ODAD2: variants seen among roughly 807,000 people sequenced by gnomAD.
ODAD2 encodes outer dynein arm-docking complex subunit 2.
In ODAD2, 89 loss-of-function variants were observed where a neutral mutation model predicts 106.8. That is an observed-to-expected ratio of 0.83 (90% confidence interval 0.70 to 0.99). The LOEUF is 0.99. ODAD2 is among the 50% of genes least tolerant of loss of function. The probability of loss-of-function intolerance (pLI) is 0.00; values close to 1 mark genes in which losing one functional copy is unlikely to be tolerated. For missense variants in ODAD2, 1,168 were observed against 1,238.5 expected, an observed-to-expected ratio of 0.94 and a Z score of 0.85; for synonymous variants, 404 against 436.2, an observed-to-expected ratio of 0.93 and a Z score of 0.92.
intron 19 of ODAD2, among the ~76,000 whole-genome samples, chr10:27,834,297 T>C (rs796150802): frequency 4.8e-4 from 73 of 152,296 alleles, no homozygotes; most frequent in African/African-American, 1.6e-3. Flanking sequence ...TTTCATTGTG[T>C]TGGCCAATCT....
intron 19 of ODAD2, chr10:27,813,236 C>T (rs150758013): frequency 6.6e-6 from 1 of 152,368 alleles, no homozygotes; most frequent in African/African-American, 2.4e-5. Context: ...ATCCCCTTCT[C>T]TGGCTTGGTC....
At chr10:27,896,518 A>G (rs1043248518) in intron 17 of ODAD2, among the ~76,000 whole-genome samples, 1 of 152,208 alleles carries the variant, frequency 6.6e-6, no homozygotes, top group Non-Finnish European at 1.5e-5. Context: ...TTGCCTGGAT[A>G]AAATAAGGAG....
intron 14 of ODAD2, among the ~76,000 whole-genome samples, chr10:27,938,788 C>T (rs567555226): frequency 3.3e-5 from 5 of 151,536 alleles, no homozygotes; most frequent in Admixed American, 6.6e-5. Flanking sequence ...TTAGTAGAGA[C>T]GGGGTTGCAC....
At chr10:27,869,540 C>CTTTTTTTTTTTTTTTTTGTTT (rs35782656) in intron 17 of ODAD2, among the ~76,000 whole-genome samples, 1 of 139,922 alleles carries the variant, frequency 7.1e-6, no homozygotes. Flanking sequence ...TTTTCTTTTT[C>CTTTTTTTTTTTTTTTTTGTTT]TTTTTTTTTT....
intron 7 of ODAD2, among the ~76,000 whole-genome samples, chr10:27,975,302 A>G (rs1288388671): frequency 1.3e-5 from 2 of 152,188 alleles, no homozygotes; most frequent in Admixed American, 6.5e-5. Flanking sequence ...CCAAATAAAA[A>G]GACATAAGCA....
In ODAD2 at chr10:27,923,999, A is replaced by AAAGG. The variant is rs1845003422; in HGVS notation, c.2495+11010_2495+11011insCCTT. Among the ~76,000 whole-genome samples the AAAGG allele has an allele frequency of 2.2e-5, 3 of 138,284 alleles. No homozygotes were observed. The Admixed American group carries it at 2.2e-4, about 10-fold the overall frequency. 90.7% of individuals were successfully genotyped at this position (138,284 alleles called of 152,430 possible). On this transcript the variant is annotated intron_variant, in intron 16 of 19. Coordinates refer to ENST00000305242, the MANE Select transcript of ODAD2 (RefSeq NM_018076.5). ...GAAAGAAAGAAAGAAAGAAAGAAAG[A>AAAGG]AAGAAAGAAAGAAAGAAAGAAAGAA...
rs1012493107 is a variant in ODAD2, at chr10:27,938,231, G to A, written c.2098-1351C>T. Among the ~76,000 whole-genome samples, 7 of 152,162 alleles carry A rather than the reference G, an allele frequency of 4.6e-5. No homozygotes were observed. The East Asian group carries it at 1.3e-3, about 29-fold the overall frequency. Reference sequence around the variant, plus strand: ...TGGGATTATAGGCTTGAGCCACCCAGTACCTCAGAATGTGACTGTATTTGG... The same window carrying A: ...TGGGATTATAGGCTTGAGCCACCCAATACCTCAGAATGTGACTGTATTTGG... On this transcript the variant is annotated intron_variant, in intron 14 of 19. Coordinates refer to ENST00000305242, the MANE Select transcript of ODAD2 (RefSeq NM_018076.5).
At chr10:27,980,973 A>C (rs755328209) in intron 7 of ODAD2, among the ~76,000 whole-genome samples, 4 of 152,234 alleles carry the variant, frequency 2.6e-5, no homozygotes, top group African/African-American at 7.2e-5. Context: ...TCTATACATA[A>C]ACAAAATATT....
intron 10 of ODAD2, among the ~76,000 whole-genome samples, chr10:27,949,224 A>G (rs1847158168): frequency 6.6e-6 from 1 of 152,228 alleles, no homozygotes; most frequent in Non-Finnish European, 1.5e-5. Context: ...CTGGATGGTT[A>G]GCATTAGAGA....
chr10:27,869,527 CTTT>C (rs1273256511), intron 17 of ODAD2, among the ~76,000 whole-genome samples: 2 of 131,472 alleles, frequency 1.5e-5, no homozygotes, highest in Non-Finnish European at 3.3e-5. Flanking sequence ...ACTTTTTTTT[CTTT>C]TTTCTTTTTC....
At chr10:27,869,027 A>C (rs74127135) in intron 17 of ODAD2, among the ~76,000 whole-genome samples, 4,308 of 151,994 alleles carry the variant, frequency 0.028, 216 homozygotes, top group African/African-American at 0.098. Context: ...TGAATGAAAA[A>C]CCTAAATTAG....
chr10:27,952,074 CAAA>C (rs71388944), intron 10 of ODAD2, among the ~76,000 whole-genome samples: 2 of 44,036 alleles, frequency 4.5e-5, no homozygotes, highest in Admixed American at 3.2e-4. Context: ...GATGCCAACT[CAAA>C]AAAAAAAAAA....
At chr10:27,993,451 A>G (rs1411579223) in intron 2 of ODAD2, among the ~76,000 whole-genome samples, 1 of 151,568 alleles carries the variant, frequency 6.6e-6, no homozygotes, top group African/African-American at 2.4e-5. Flanking sequence ...GGAGTTCAAG[A>G]CCAGCCTGGG....
At chr10:27,828,412 G>C (rs1837230599) in intron 19 of ODAD2, among the ~76,000 whole-genome samples, 1 of 152,132 alleles carries the variant, frequency 6.6e-6, no homozygotes, top group Non-Finnish European at 1.5e-5. Context: ...GTCAAAATGA[G>C]ATCACCATTA....
At chr10:27,859,120 TTTAAA>T (rs1589842244) in intron 19 of ODAD2, among the ~76,000 whole-genome samples, 1 of 152,016 alleles carries the variant, frequency 6.6e-6, no homozygotes. Flanking sequence ...TATGCATAAT[TTTAAA>T]TTAGAAATAT....
intron 16 of ODAD2, among the ~76,000 whole-genome samples, chr10:27,922,437 G>C (rs1253891808): frequency 6.6e-6 from 1 of 151,690 alleles, no homozygotes; most frequent in African/African-American, 2.4e-5. Flanking sequence ...TTAAAACAAA[G>C]GCAGGGTCAA....
chr10:27,908,514 A>C (rs955620543), intron 16 of ODAD2, among the ~76,000 whole-genome samples: 9 of 152,340 alleles, frequency 5.9e-5, no homozygotes, highest in African/African-American at 2.2e-4. Flanking sequence ...GAAGAAGGCC[A>C]AACAAAACTT....
chr10:27,868,405 A>G (rs570043321), intron 17 of ODAD2, among the ~76,000 whole-genome samples: 2 of 152,340 alleles, frequency 1.3e-5, no homozygotes, highest in East Asian at 3.9e-4. Context: ...CACTATTCAC[A>G]ATAGCAAAGC....
chr10:27,820,638 G>A (rs940327714), intron 19 of ODAD2, among the ~76,000 whole-genome samples: 2 of 152,036 alleles, frequency 1.3e-5, no homozygotes, highest in African/African-American at 4.8e-5. Context: ...CTAGTCCTGA[G>A]TGTACCAAGA....
Sources: gnomAD v4.1 joint callset for allele counts (sites outside exome capture counted in the v4.1 genomes callset) on GRCh38, gnomAD v4.1.1 for gene constraint, MANE v1.5 for transcripts, NCBI Gene and HGNC (gene_info 2026-07-23, HGNC 2026-07-21) for gene names.